Variants in PRICKLE1 observed in about 807,000 individuals in gnomAD.
The protein encoded by PRICKLE1 is prickle planar cell polarity protein 1, also known as prickle-like protein 1.
In PRICKLE1, 14 loss-of-function variants were observed where a neutral mutation model predicts 70.2. That is an observed-to-expected ratio of 0.20 (90% CI 0.13 to 0.31). PRICKLE1 has a LOEUF of 0.31. PRICKLE1 is among the 10% of genes least tolerant of loss of function. The pLI is 1.00. For synonymous variants in PRICKLE1, 357 were observed against 379.9 expected, an observed-to-expected ratio of 0.94 and a Z score of 0.70; for missense variants, 821 against 1,026.2, an observed-to-expected ratio of 0.80 and a Z score of 2.73.
At chr12:42,585,935 C>T (rs7958546) in intron 1 of PRICKLE1, among the ~76,000 whole-genome samples, 22,582 of 152,080 alleles carry the variant, frequency 0.15, 1,959 homozygotes, top group Non-Finnish European at 0.19. Flanking sequence ...TTGGAACGTG[C>T]TGTGGAGCGC....
At chr12:42,506,957 G>A (rs1400269588) in intron 1 of PRICKLE1, among the ~76,000 whole-genome samples, 1 of 152,084 alleles carries the variant, frequency 6.6e-6, no homozygotes, top group Non-Finnish European at 1.5e-5. Flanking sequence ...TGTAGGAGGG[G>A]TTAGAAAAAC....
At chr12:42,538,151 A>AAT (rs1315217579) in intron 1 of PRICKLE1, among the ~76,000 whole-genome samples, 2 of 152,074 alleles carry the variant, frequency 1.3e-5, no homozygotes, top group Non-Finnish European at 1.5e-5. Flanking sequence ...CCTGTCTCTA[A>AAT]ATATATATAT....
intron 1 of PRICKLE1, among the ~76,000 whole-genome samples, chr12:42,476,056 C>T (rs1236165842): frequency 7.1e-6 from 1 of 141,596 alleles, no homozygotes; most frequent in Non-Finnish European, 1.5e-5. Flanking sequence ...CGCACCATTG[C>T]ACTCCAGCCT....
intron 1 of PRICKLE1, among the ~76,000 whole-genome samples, chr12:42,520,778 C>A (rs1360228614): frequency 6.6e-6 from 1 of 152,152 alleles, no homozygotes; most frequent in Non-Finnish European, 1.5e-5. Flanking sequence ...AGTCTGAATG[C>A]AAGCTTTAAA....
At chr12:42,487,521 C>T (rs553459944) in intron 1 of PRICKLE1, among the ~76,000 whole-genome samples, 7 of 152,320 alleles carry the variant, frequency 4.6e-5, no homozygotes, top group Admixed American at 1.3e-4. Flanking sequence ...CCATCCCCTC[C>T]CTGACCCTCC....
intron 3 of PRICKLE1, 170 bp downstream of exon 3, chr12:42,470,076 C>T: frequency 3.2e-6 from 2 of 618,278 alleles, no homozygotes; most frequent in Non-Finnish European, 5.7e-6. Flanking sequence ...ATACTCTTTT[C>T]TCTCTTTCTC....
intron 1 of PRICKLE1, among the ~76,000 whole-genome samples, chr12:42,568,673 G>A (rs1197250514): frequency 6.6e-6 from 1 of 152,178 alleles, no homozygotes; most frequent in African/African-American, 2.4e-5. Context: ...TAATTCAGAA[G>A]AAATATATCT....
chr12:42,517,705 T>C (rs1939635746), intron 1 of PRICKLE1, among the ~76,000 whole-genome samples: 1 of 152,000 alleles, frequency 6.6e-6, no homozygotes, highest in Non-Finnish European at 1.5e-5. Flanking sequence ...CCTTATTGCC[T>C]CCTCCTGGCT....
rs796052931 is a variant in PRICKLE1, at chr12:42,464,836, C to G, written c.1198G>C (p.Glu400Gln). 3.7e-6 allele frequency: 6 copies of G among 1,613,928 alleles called. No individual in the cohort carries two copies. Among genetic ancestry groups the G allele is most frequent in the Non-Finnish European group, 5.1e-6 (6 of 1,180,022 alleles). Residue 400 changes from glutamate (E) to glutamine (Q), a missense_variant, in exon 7 of 8, where the codon GAA (glutamate) becomes CAA (glutamine). Glu to Gln is a conservative substitution (Grantham distance 29). Coordinates refer to ENST00000345127, the MANE Select transcript of PRICKLE1 (RefSeq NM_153026.3). The surrounding 1 kb of genome is among the most constrained non-coding windows in gnomAD (Gnocchi z 4.2). ...EEFWKGRVEQ[E>Q]TPEDPEEWAD... ...CATTCTTCAGGGTCTTCTGGAGTTT[C>G]CTGCTCTACTCTGCCTTTCCAAAAT...
chr12:42,558,944 G>A (rs749207827), intron 1 of PRICKLE1, among the ~76,000 whole-genome samples: 2 of 152,086 alleles, frequency 1.3e-5, no homozygotes, highest in Non-Finnish European at 2.9e-5. Context: ...GAACCAAATC[G>A]CATGATTGTA....
At chr12:42,572,429 T>G (rs1940732173) in intron 1 of PRICKLE1, among the ~76,000 whole-genome samples, 1 of 146,748 alleles carries the variant, frequency 6.8e-6, no homozygotes, top group African/African-American at 2.6e-5. Flanking sequence ...AGAGCAAAAC[T>G]CTGTCTTAAA....
In PRICKLE1 at chr12:42,465,164, T is replaced by G; in HGVS notation, c.870A>C (p.Gly290=). 1 of 1,596,040 alleles carries G rather than the reference T, an allele frequency of 6.3e-7. No homozygotes were observed. Among genetic ancestry groups the G allele is most frequent in the Non-Finnish European group, 8.5e-7 (1 of 1,174,934 alleles). The change falls in exon 7 of 8, where the codon GGA becomes GGC. Residue 290 remains glycine (G), a synonymous_variant. Coordinates refer to ENST00000345127, the MANE Select transcript of PRICKLE1 (RefSeq NM_153026.3). The stretch of plus-strand genomic sequence containing the variant: ...GACCCTGTTTGGGAAGGAAGGGACA[T>G]CCCAACAAAGAGGCTTTACACTGGG... The part of the protein sequence containing the change: ...SCAQCKASLL[G]CPFLPKQGQI...
intron 1 of PRICKLE1, among the ~76,000 whole-genome samples, chr12:42,535,719 G>A (rs1447645411): frequency 3.9e-5 from 6 of 151,900 alleles, no homozygotes; most frequent in African/African-American, 1.5e-4. Flanking sequence ...AATAGTTTGA[G>A]GCTGCAGTAA....
intron 1 of PRICKLE1, among the ~76,000 whole-genome samples, chr12:42,559,793 T>TTGGCAACTG (rs1201672832): frequency 2.0e-5 from 3 of 151,684 alleles, no homozygotes; most frequent in Admixed American, 2.0e-4. Context: ...GCAACTGACC[T>TTGGCAACTG]ACCCCTTGGC....
intron 1 of PRICKLE1, among the ~76,000 whole-genome samples, chr12:42,516,325 G>C (rs1482582873): frequency 6.6e-6 from 1 of 151,956 alleles, no homozygotes; most frequent in Non-Finnish European, 1.5e-5. Flanking sequence ...GTAGAGACGG[G>C]GTTCAATCAT....
At chr12:42,494,199 G>C (rs1939154636) in intron 1 of PRICKLE1, among the ~76,000 whole-genome samples, 1 of 152,206 alleles carries the variant, frequency 6.6e-6, no homozygotes, top group Non-Finnish European at 1.5e-5. Flanking sequence ...GCTGTTGCGT[G>C]ATCAGGATGG....
chr12:42,491,089 G>T (rs1171195530), intron 1 of PRICKLE1, among the ~76,000 whole-genome samples: 1 of 149,808 alleles, frequency 6.7e-6, no homozygotes, highest in Non-Finnish European at 1.5e-5. Context: ...TGGCCAGGCT[G>T]GTCTCGAACT....
intron 1 of PRICKLE1, among the ~76,000 whole-genome samples, chr12:42,524,011 T>C (rs1939757987): frequency 6.6e-6 from 1 of 152,258 alleles, no homozygotes; most frequent in Admixed American, 6.5e-5. Context: ...AAATATTTGT[T>C]AACACTTTAA....
At position 42,459,155 on chromosome 12, in the gene PRICKLE1, T is replaced by G; in HGVS notation, c.*654A>C. 1.8e-6 allele frequency: 1 copy of G among 552,012 alleles called. No homozygotes were observed. 34.2% of individuals were successfully genotyped at this position (552,012 alleles called of 1,614,324 possible). ...TTCAGGGATATAAAAATATCAGCTT[T>G]AAAATCTGAACTGTACAGTATATAC... is the stretch of plus-strand genomic sequence containing the variant. On this transcript the variant is annotated 3_prime_UTR_variant, in exon 8 of 8. Coordinates refer to ENST00000345127, the MANE Select transcript of PRICKLE1 (RefSeq NM_153026.3).
Sources: allele counts gnomAD v4.1 joint callset (sites outside exome capture counted in the v4.1 genomes callset), GRCh38; gene constraint gnomAD v4.1.1; non-coding constraint Gnocchi (gnomAD v3.1); transcripts MANE v1.5; gene names NCBI Gene and HGNC (gene_info 2026-07-23, HGNC 2026-07-21).